Variants in CABIN1 observed in about 807,000 individuals in gnomAD.
CABIN1 encodes the protein calcineurin binding protein 1.
In CABIN1, 133 loss-of-function variants were observed where a neutral mutation model predicts 227.7. That is an observed-to-expected ratio of 0.58 (90% CI 0.51 to 0.67). The LOEUF (loss-of-function observed/expected upper bound fraction) is 0.67. Ranked by LOEUF, CABIN1 falls within the 30% of genes least tolerant of loss-of-function variation. The pLI, the probability that CABIN1 is intolerant of heterozygous loss-of-function variation, is 0.00. For missense variants in CABIN1, 2,408 were observed against 2,852.5 expected, an observed-to-expected ratio of 0.84 and a Z score of 3.55; for synonymous variants, 1,086 against 1,155.1, an observed-to-expected ratio of 0.94 and a Z score of 1.21.
At chr22:24,055,227 G>A in intron 9 of CABIN1, 68 bp downstream of exon 9, 2 of 1,559,990 alleles carry the variant, frequency 1.3e-6, no homozygotes, top group Non-Finnish European at 1.7e-6. Context: ...GAATGAGACT[G>A]CTGGGGAGCC....
intron 6 of CABIN1, among the ~76,000 whole-genome samples, chr22:24,048,073 C>T (rs1039925733): frequency 3.9e-5 from 6 of 152,190 alleles, no homozygotes; most frequent in South Asian, 2.1e-4. Flanking sequence ...GGAGTTGGCA[C>T]AGGCTTTCCA....
At chr22:24,048,359 T>C (rs140414530) in intron 6 of CABIN1, among the ~76,000 whole-genome samples, 263 of 152,280 alleles carry the variant, frequency 1.7e-3, no homozygotes, top group African/African-American at 6.2e-3. Context: ...CTTGGCAACC[T>C]ATTGTGTGGA....
At chr22:24,028,995 A>G (rs561866531) in intron 1 of CABIN1, among the ~76,000 whole-genome samples, 86 of 152,294 alleles carry the variant, frequency 5.6e-4, no homozygotes, top group South Asian at 4.6e-3. Flanking sequence ...AATCAGTGTA[A>G]GATTTTTAGT....
intron 15 of CABIN1, 136 bp downstream of exon 15, chr22:24,064,323 A>C (rs2039425247): frequency 1.0e-6 from 1 of 957,176 alleles, no homozygotes; most frequent in Admixed American, 2.0e-5. Context: ...CTCCTGCCTC[A>C]GCCTCCTGAG....
intron 1 of CABIN1, among the ~76,000 whole-genome samples, chr22:24,027,494 C>T (rs750890995): frequency 6.6e-6 from 1 of 152,138 alleles, no homozygotes; most frequent in Non-Finnish European, 1.5e-5. Flanking sequence ...CTGTAAATAC[C>T]TTTTATCAGA....
At chr22:24,093,379 T>C (rs1177273963) in intron 24 of CABIN1, among the ~76,000 whole-genome samples, 2 of 151,400 alleles carry the variant, frequency 1.3e-5, no homozygotes, top group Admixed American at 1.3e-4. Context: ...GGTGAAACCT[T>C]ATCTCTACTA....
chr22:24,052,466 C>G (rs1388258482), intron 8 of CABIN1, among the ~76,000 whole-genome samples: 1 of 21,380 alleles, frequency 4.7e-5, no homozygotes, highest in South Asian at 2.4e-3. Flanking sequence ...TCTTCTTTTT[C>G]TTTCTTTTTT....
chr22:24,129,438 G>A (rs2043933041), intron 28 of CABIN1, among the ~76,000 whole-genome samples: 1 of 152,176 alleles, frequency 6.6e-6, no homozygotes, highest in Non-Finnish European at 1.5e-5. Context: ...CTGGCACCCT[G>A]GCCTTGGGAA....
rs1213370165 is a variant in CABIN1 at position 24,096,085 on chromosome 22, G to A, written c.3938+3G>A. The A allele has an allele frequency of 6.2e-7, 1 of 1,613,932 alleles. No individual in the cohort carries two copies. The highest frequency in any genetic ancestry group is 2.2e-5 in the East Asian group (1 of 44,884). On this transcript the variant is annotated splice_donor_region_variant and intron_variant, in intron 25 of 36. Transcript: ENST00000263119. Reference sequence around the variant, plus strand: ...AACACACCCAAAGCTTCAGAAAAGTGAGTAGCACCCTTCAGGCGACCCCTA... The same window carrying A: ...AACACACCCAAAGCTTCAGAAAAGTAAGTAGCACCCTTCAGGCGACCCCTA...
chr22:24,129,080 A>G (rs1233717435), intron 28 of CABIN1, among the ~76,000 whole-genome samples: 1 of 152,180 alleles, frequency 6.6e-6, no homozygotes, highest in African/African-American at 2.4e-5. Flanking sequence ...GGCACCTGGG[A>G]TCAGGTCTGC....
chr22:24,109,221 CTTTT>C (rs869266886), intron 26 of CABIN1, among the ~76,000 whole-genome samples: 2 of 133,296 alleles, frequency 1.5e-5, no homozygotes. Context: ...TTATATTTTG[CTTTT>C]TTTTTTTTTT....
At chr22:24,145,151 C>T (rs1160289768) in intron 29 of CABIN1, among the ~76,000 whole-genome samples, 1 of 152,148 alleles carries the variant, frequency 6.6e-6, no homozygotes, top group Non-Finnish European at 1.5e-5. Flanking sequence ...GGCCAGCTGG[C>T]CACCACTGGA....
At chr22:24,152,920 A>G (rs1234778939) in intron 29 of CABIN1, among the ~76,000 whole-genome samples, 1 of 143,516 alleles carries the variant, frequency 7.0e-6, no homozygotes, top group Non-Finnish European at 1.5e-5. Flanking sequence ...ACTGCACTCC[A>G]GCTTGGGCGA....
In CABIN1 at chr22:24,056,291, G is replaced by A. The variant is rs372879628; in HGVS notation, c.1193G>A (p.Arg398Gln). 14 of 1,613,964 alleles carry A rather than the reference G, an allele frequency of 8.7e-6. No individual in the cohort carries two copies. In the Admixed American group the frequency reaches 1.2e-4, roughly 13 times the overall value. Reference sequence around the variant, plus strand: ...GCAAAGCGGCGGTCTGCCCGTGTCCGAAACACCAAGTGCAAAAAAGAAGAG... The same window carrying A: ...GCAAAGCGGCGGTCTGCCCGTGTCCAAAACACCAAGTGCAAAAAAGAAGAG... ...ETAKRRSARV[R>Q]NTKCKKEEKV... The change falls in exon 10 of 37, where the codon CGA becomes CAA. Residue 398 changes from arginine to glutamine, a missense_variant. Coordinates refer to ENST00000263119, the MANE Select transcript of CABIN1 (RefSeq NM_012295.4).
At position 24,178,263 on chromosome 22, in the gene CABIN1, G is replaced by A; in HGVS notation, c.*67G>A. The A allele has an allele frequency of 1.3e-6, 2 of 1,595,278 alleles. No homozygotes were observed. The highest frequency in any genetic ancestry group is 1.7e-6 in the Non-Finnish European group (2 of 1,170,104). ...CAGGCCTGGAATGCCCCCTGGGCAG[G>A]ACCCTGGGCAGGACCAGAGGCCCAC... On this transcript the variant is annotated 3_prime_UTR_variant, in exon 37 of 37. Coordinates refer to ENST00000263119, the MANE Select transcript of CABIN1 (RefSeq NM_012295.4).
chr22:24,039,180 G>A (rs1260566974), intron 4 of CABIN1, among the ~76,000 whole-genome samples: 1 of 152,120 alleles, frequency 6.6e-6, no homozygotes, highest in African/African-American at 2.4e-5. Context: ...GTTTGTTTTC[G>A]CCCAAACATG....
chr22:24,154,187 CT>C (rs2148513925), intron 29 of CABIN1, among the ~76,000 whole-genome samples: 1 of 152,312 alleles, frequency 6.6e-6, no homozygotes, highest in African/African-American at 2.4e-5. Flanking sequence ...ATGTTCTCAG[CT>C]TCCTTTGGTC....
At chr22:24,151,249 G>T (rs1340043426) in intron 29 of CABIN1, among the ~76,000 whole-genome samples, 3 of 152,120 alleles carry the variant, frequency 2.0e-5, no homozygotes, top group African/African-American at 7.2e-5. Context: ...AAGATCCTGT[G>T]CAGGCCGTCC....
At chr22:24,074,512 C>T (rs2040306622) in intron 18 of CABIN1, among the ~76,000 whole-genome samples, 1 of 152,176 alleles carries the variant, frequency 6.6e-6, no homozygotes, top group South Asian at 2.1e-4. Flanking sequence ...GAAACCTCCT[C>T]CATCCCACCC....
Sources: gnomAD v4.1 joint callset for allele counts (sites outside exome capture counted in the v4.1 genomes callset) on GRCh38, gnomAD v4.1.1 for gene constraint, MANE v1.5 for transcripts, NCBI Gene and HGNC (gene_info 2026-07-23, HGNC 2026-07-21) for gene names.